XPNPEP2: variants seen among roughly 807,000 people sequenced by gnomAD.
The protein encoded by XPNPEP2 is X-prolyl aminopeptidase 2, also known as xaa-Pro aminopeptidase 2.
XPNPEP2 carries 64 observed loss-of-function variants against 59.8 expected under a neutral mutation model. The ratio of observed to expected loss-of-function variants is 1.07; its 90% confidence interval spans 0.87 to 1.32. The LOEUF is 1.32. Among genes scored for constraint, XPNPEP2 ranks in the 40% most tolerant of loss-of-function variants. The pLI is 0.00. For missense variants in XPNPEP2, 575 were observed against 546.8 expected, an observed-to-expected ratio of 1.05 and a Z score of -0.51; for synonymous variants, 235 against 210.0, an observed-to-expected ratio of 1.12 and a Z score of -1.03.
intron 15 of XPNPEP2, among the ~76,000 whole-genome samples, chrX:129,760,033 C>G (rs1238323567): frequency 8.9e-6 from 1 of 112,435 alleles, no homozygotes; most frequent in Non-Finnish European, 1.9e-5. Flanking sequence ...GTGTGCTAAA[C>G]TTCCGTGAAG....
intron 11 of XPNPEP2, 141 bp from the exon 12 acceptor site, chrX:129,754,331 C>T (rs1004996374): frequency 4.0e-6 from 2 of 500,597 alleles, no homozygotes; most frequent in Non-Finnish European, 6.4e-6. Flanking sequence ...TAAACACTAA[C>T]AAGAATTCTT....
chrX:129,739,531 T>C (rs1257415154), intron 1 of XPNPEP2, among the ~76,000 whole-genome samples: 2 of 111,999 alleles, frequency 1.8e-5, no homozygotes, highest in African/African-American at 3.2e-5. Context: ...GACTACCGCA[T>C]TGCAATAGAG....
chrX:129,757,847 GA>G (rs1926563657), intron 14 of XPNPEP2, among the ~76,000 whole-genome samples: 5 of 82,500 alleles, frequency 6.1e-5, no homozygotes, highest in Non-Finnish European at 9.0e-5. Context: ...AAGAAAGAAA[GA>G]AAGAAAGAAA....
intron 13 of XPNPEP2, 94 bp downstream of exon 13, chrX:129,755,465 C>T: frequency 1.1e-6 from 1 of 914,815 alleles, no homozygotes. Flanking sequence ...GTTCTGGGAC[C>T]TGAGTCCACG....
chrX:129,768,677 G>A lies in XPNPEP2; in HGVS notation c.*192G>A, dbSNP rs1248604365. Reference sequence around the variant, plus strand: ...AGGAACACAGGGCTTCTTGGCCCCAGATGGCACCTCCCTGCACCCCGGGGT... The same window carrying A: ...AGGAACACAGGGCTTCTTGGCCCCAAATGGCACCTCCCTGCACCCCGGGGT... On this transcript the variant is annotated 3_prime_UTR_variant, in exon 21 of 21. Coordinates refer to ENST00000371106, the MANE Select transcript of XPNPEP2 (RefSeq NM_003399.6). 1.9e-5 allele frequency: 7 copies of A among 362,763 alleles called. No homozygotes were observed. Among genetic ancestry groups the A allele is most frequent in the Non-Finnish European group, 3.2e-5 (7 of 219,276 alleles). 29.9% of individuals were successfully genotyped at this position (362,763 alleles called of 1,213,427 possible).
intron 18 of XPNPEP2, among the ~76,000 whole-genome samples, chrX:129,762,339 G>A (rs767342967): frequency 9.0e-4 from 101 of 112,003 alleles, no homozygotes; most frequent in African/African-American, 2.8e-3. Flanking sequence ...TGGTATGGCC[G>A]TAGACCCAGC....
At chrX:129,752,597 A>G (rs1438066401) in intron 10 of XPNPEP2, among the ~76,000 whole-genome samples, 2 of 112,423 alleles carry the variant, frequency 1.8e-5, no homozygotes, top group East Asian at 5.6e-4. Context: ...CTTTGGAGTC[A>G]GCCAAACTTG....
rs1246300127 is a variant in XPNPEP2 at position 129,753,180 on chromosome X, T to G, written c.1039T>G (p.Tyr347Asp). 8.3e-7 allele frequency: 1 copy of G among 1,209,309 alleles called. No individual in the cohort carries two copies. Among genetic ancestry groups the G allele is most frequent in the Non-Finnish European group, 1.1e-6 (1 of 894,961 alleles). The change falls in exon 11 of 21, where the codon TAC becomes GAC. Residue 347 changes from tyrosine (Y) to aspartate (D), a missense_variant. Coordinates refer to ENST00000371106, the MANE Select transcript of XPNPEP2 (RefSeq NM_003399.6). ...ACAGGAGAAACTCGTGACAGACACCTACTCCCCAGTGATGATGACCAAGGC... is the reference window on the plus strand; with the variant it reads ...ACAGGAGAAACTCGTGACAGACACCGACTCCCCAGTGATGATGACCAAGGC... ...IPKEKLVTDTYSPVMMTKAVK... is the reference protein window; with the variant it reads ...IPKEKLVTDTDSPVMMTKAVK...
chrX:129,767,835 C>T (rs1926780799), intron 20 of XPNPEP2, 143 bp downstream of exon 20: 1 of 601,163 alleles, frequency 1.7e-6, no homozygotes, highest in African/African-American at 2.2e-5. Flanking sequence ...GGCATTCCTC[C>T]CCAGCTCATC....
In XPNPEP2 at chrX:129,757,860, AGGG is replaced by A. The variant is rs1366193722; in HGVS notation, c.1367+1306_1367+1308del. Reference sequence around the variant, plus strand: ...GAAAGAAAGAAAGAAAGAAAGAAAGAGGGAGAGAGAGAAAGAGAGAGAGAGAGA... The same window carrying A: ...GAAAGAAAGAAAGAAAGAAAGAAAGAAGAGAGAGAAAGAGAGAGAGAGAGA... On this transcript the variant is annotated intron_variant, in intron 14 of 20. Transcript: ENST00000371106. Among the ~76,000 whole-genome samples the A allele has an allele frequency of 6.6e-3, 478 of 72,626 alleles. 3 individuals are homozygous for A. Among genetic ancestry groups the A allele is most frequent in the African/African-American group, 0.02 (289 of 14,683 alleles). The allele number at this position is 72,626 out of a possible 115,157, so 63.1% of individuals were successfully genotyped here.
intron 18 of XPNPEP2, 30 bp downstream of exon 18, chrX:129,762,095 A>G: frequency 8.3e-7 from 1 of 1,198,291 alleles, no homozygotes; most frequent in African/African-American, 1.7e-5. Flanking sequence ...CTACCTCACC[A>G]CCCCATCCCA....
intron 1 of XPNPEP2, among the ~76,000 whole-genome samples, chrX:129,741,833 A>G (rs1053363266): frequency 8.9e-6 from 1 of 112,782 alleles, no homozygotes; most frequent in Non-Finnish European, 1.9e-5. Flanking sequence ...ACCCAATTAG[A>G]TTAGAAGAAA....
At position 129,755,274 on chromosome X, in the gene XPNPEP2, C is replaced by G. The variant is rs1401186953; in HGVS notation, c.1218-20C>G. Reference sequence around the variant, plus strand: ...TCCAGGGGCCCATTCATTGACCATGCCTTGCCTTGTACTTTCCAGAGAAGA... The same window carrying G: ...TCCAGGGGCCCATTCATTGACCATGGCTTGCCTTGTACTTTCCAGAGAAGA... On this transcript the variant is annotated intron_variant, in intron 12 of 20. Transcript: ENST00000371106. The G allele has an allele frequency of 1.7e-6, 2 of 1,204,582 alleles. No individual in the cohort carries two copies. The highest frequency in any genetic ancestry group is 2.2e-6 in the Non-Finnish European group (2 of 890,591).
chrX:129,742,136 G>A lies in XPNPEP2; in HGVS notation c.78G>A (p.Val26=). The change falls in exon 2 of 21, where the codon GTG becomes GTA. Residue 26 remains valine, a synonymous_variant. Coordinates refer to ENST00000371106, the MANE Select transcript of XPNPEP2 (RefSeq NM_003399.6). ...GTGCCTGGGGCCACACAAAGCCAGT[G>A]GACCTTGGAGGGCAGGATGTGAGAA... The part of the protein sequence containing the change: ...CACAWGHTKP[V]DLGGQDVRNC... The A allele has an allele frequency of 8.3e-7, 1 of 1,210,379 alleles. No individual in the cohort carries two copies. The highest frequency in any genetic ancestry group is 1.7e-5 in the African/African-American group (1 of 57,591).
intron 8 of XPNPEP2, among the ~76,000 whole-genome samples, chrX:129,751,033 A>G (rs1364779860): frequency 9.1e-6 from 1 of 109,715 alleles, no homozygotes; most frequent in East Asian, 2.8e-4. Flanking sequence ...GCTGACTGCT[A>G]AGTATCTGCA....
intron 19 of XPNPEP2, among the ~76,000 whole-genome samples, chrX:129,765,381 C>G (rs776537414): frequency 9.8e-5 from 11 of 111,691 alleles, no homozygotes; most frequent in Middle Eastern, 4.7e-3. Flanking sequence ...CCAGAAGGTA[C>G]ATATCTGGCG....
intron 7 of XPNPEP2, 43 bp downstream of exon 7, chrX:129,747,796 C>T: frequency 8.3e-7 from 1 of 1,210,189 alleles, no homozygotes; most frequent in Non-Finnish European, 1.1e-6. Context: ...TGTAGCAACG[C>T]AGGTCCCGGC....
In XPNPEP2 at chrX:129,760,582, G is replaced by T; in HGVS notation, c.1498+1G>T. The T allele has an allele frequency of 1.7e-6, 2 of 1,211,325 alleles. No homozygotes were observed. The highest frequency in any genetic ancestry group is 1.7e-5 in the African/African-American group (1 of 57,884). On this transcript the variant is annotated splice_donor_variant, in intron 16 of 20. Coordinates refer to ENST00000371106, the MANE Select transcript of XPNPEP2 (RefSeq NM_003399.6). LOFTEE classifies it high-confidence loss of function. ...CTCATCTTTCCCGCTGCTACATCAG[G>T]TGGGTTTCAGAAACCAGTCTGGACA...
At chrX:129,761,675 G>T (rs1273668229) in intron 17 of XPNPEP2, among the ~76,000 whole-genome samples, 1 of 111,913 alleles carries the variant, frequency 8.9e-6, no homozygotes, top group Non-Finnish European at 1.9e-5. Context: ...AATGTTTTAA[G>T]TATCCAGGTA....
Sources: allele counts gnomAD v4.1 joint callset (sites outside exome capture counted in the v4.1 genomes callset), GRCh38; gene constraint gnomAD v4.1.1; transcripts MANE v1.5; gene names NCBI Gene and HGNC (gene_info 2026-07-23, HGNC 2026-07-21).